ADGRB3: variants seen among roughly 807,000 people sequenced by gnomAD.
The protein encoded by ADGRB3 is adhesion G protein-coupled receptor B3, also known as brain-specific angiogenesis inhibitor 3.
Under a neutral mutation model 193.4 loss-of-function variants are expected in ADGRB3, and 37 were observed. The observed-to-expected ratio is 0.19, with a 90% CI of 0.15 to 0.25. ADGRB3 has a LOEUF of 0.25. Ranked by LOEUF, ADGRB3 falls within the 10% of genes least tolerant of loss-of-function variation. The probability of loss-of-function intolerance (pLI) is 1.00; values close to 1 mark genes in which losing one functional copy is unlikely to be tolerated. For synonymous variants in ADGRB3, 690 were observed against 644.2 expected (o/e 1.07, Z -1.08); for missense variants, 1,637 against 1,852.9 (o/e 0.88, Z 2.14).
chr6:68,869,545 C>T (rs1394475750), intron 3 of ADGRB3, among the ~76,000 whole-genome samples: 3 of 152,064 alleles, frequency 2.0e-5, no homozygotes, highest in Non-Finnish European at 2.9e-5. Flanking sequence ...TTTTAGCAAG[C>T]AACATTTGTA....
intron 3 of ADGRB3, among the ~76,000 whole-genome samples, chr6:68,861,418 C>T (rs576499338): frequency 7.2e-5 from 11 of 152,052 alleles, no homozygotes; most frequent in Admixed American, 1.3e-4. Context: ...AAAAATTAGC[C>T]GGGCGTGGTG....
At chr6:69,151,614 G>A (rs966775234) in intron 17 of ADGRB3, among the ~76,000 whole-genome samples, 3 of 152,104 alleles carry the variant, frequency 2.0e-5, no homozygotes, top group African/African-American at 7.2e-5. Context: ...GTAGATGGCT[G>A]TTAAATTCAG....
rs533406477 is a variant in ADGRB3, at chr6:69,137,347, C to G, written c.2480+61309C>G. ...CAGTTCACAAAATGATAAAGTAAAC[C>G]TATGAACTTAACATTTTCTGTGTTT... On this transcript the variant is annotated intron_variant, in intron 17 of 31. Transcript: ENST00000370598. 5.3e-5 allele frequency among the ~76,000 whole-genome samples: 8 copies of G among 151,940 alleles called. No homozygotes were observed. In the South Asian group the frequency reaches 1.7e-3, roughly 32 times the overall value.
At chr6:68,984,196 G>T (rs1265515917) in intron 10 of ADGRB3, among the ~76,000 whole-genome samples, 1 of 152,162 alleles carries the variant, frequency 6.6e-6, no homozygotes, top group Non-Finnish European at 1.5e-5. Context: ...AGGGTCATAT[G>T]AGGTTTCTAT....
chr6:68,826,666 T>G (rs1330415764), intron 3 of ADGRB3, among the ~76,000 whole-genome samples: 1 of 152,172 alleles, frequency 6.6e-6, no homozygotes, highest in Non-Finnish European at 1.5e-5. Context: ...AGGAGGCTAT[T>G]ATAGCAACCT....
chr6:69,076,190 A>G (rs746948715), intron 17 of ADGRB3, 152 bp downstream of exon 17: 14 of 657,662 alleles, frequency 2.1e-5, no homozygotes, highest in Non-Finnish European at 3.4e-5. Context: ...TCAGGACAGC[A>G]TGATGAATGT....
chr6:68,804,428 G>A (rs74799610), intron 3 of ADGRB3, among the ~76,000 whole-genome samples: 1 of 152,112 alleles, frequency 6.6e-6, no homozygotes, highest in Non-Finnish European at 1.5e-5. Flanking sequence ...TAAGTTTTCA[G>A]TAGTACATGC....
chr6:69,209,392 A>G (rs865928268), intron 17 of ADGRB3, among the ~76,000 whole-genome samples: 1 of 152,198 alleles, frequency 6.6e-6, no homozygotes, highest in Non-Finnish European at 1.5e-5. Flanking sequence ...CCCCACACCA[A>G]TAGGCCCCTA....
At chr6:68,935,332 T>C (rs1439509710) in intron 4 of ADGRB3, among the ~76,000 whole-genome samples, 1 of 152,220 alleles carries the variant, frequency 6.6e-6, no homozygotes, top group Admixed American at 6.5e-5. Flanking sequence ...CACTAGTTTG[T>C]GGACCAGCTG....
chr6:69,022,246 A>G (rs2150289059), intron 13 of ADGRB3, among the ~76,000 whole-genome samples: 1 of 151,944 alleles, frequency 6.6e-6, no homozygotes, highest in African/African-American at 2.4e-5. Context: ...GAAATGTTTT[A>G]ACTATCTGCA....
chr6:68,747,753 T>C (rs141515617), intron 3 of ADGRB3, among the ~76,000 whole-genome samples: 1 of 152,332 alleles, frequency 6.6e-6, no homozygotes, highest in East Asian at 1.9e-4. Context: ...GAGAGTTTTC[T>C]TGGGAACAAA....
chr6:69,275,258 C>T (rs1767277041), intron 20 of ADGRB3, among the ~76,000 whole-genome samples: 1 of 152,034 alleles, frequency 6.6e-6, no homozygotes, highest in Admixed American at 6.6e-5. Context: ...AGGTACTTCA[C>T]AGTTTGAATT....
At chr6:68,831,303 T>TA (rs60991980) in intron 3 of ADGRB3, among the ~76,000 whole-genome samples, 1,733 of 123,656 alleles carry the variant, frequency 0.014, 22 homozygotes, top group African/African-American at 0.035. Flanking sequence ...TGGAGAAGAT[T>TA]AAAAAAAAAA....
intron 6 of ADGRB3, among the ~76,000 whole-genome samples, chr6:68,955,371 A>C (rs1413212825): frequency 6.6e-6 from 1 of 152,232 alleles, no homozygotes; most frequent in East Asian, 1.9e-4. Context: ...TCTCTAAAAT[A>C]TGAGCTCGAT....
intron 29 of ADGRB3, among the ~76,000 whole-genome samples, chr6:69,363,757 G>A (rs1419607311): frequency 1.1e-4 from 16 of 151,956 alleles, no homozygotes; most frequent in Admixed American, 9.2e-4. Context: ...TGGAAATGGG[G>A]CTGTGTTCAT....
chr6:69,225,878 A>C (rs1262944007), intron 17 of ADGRB3, among the ~76,000 whole-genome samples: 1 of 152,206 alleles, frequency 6.6e-6, no homozygotes. Context: ...CACTAGTGTG[A>C]TGATGATTTG....
intron 15 of ADGRB3, among the ~76,000 whole-genome samples, chr6:69,051,750 A>T (rs914424042): frequency 2.0e-5 from 3 of 152,146 alleles, no homozygotes; most frequent in Non-Finnish European, 2.9e-5. Context: ...AACAAGGGTG[A>T]TTCTTTTTTC....
At chr6:68,649,404 T>A (rs1231174573) in intron 3 of ADGRB3, among the ~76,000 whole-genome samples, 1 of 152,150 alleles carries the variant, frequency 6.6e-6, no homozygotes, top group East Asian at 1.9e-4. Context: ...ATAAATCTAA[T>A]CATTAAAATT....
chr6:69,344,984 G>A (rs1362747654), intron 26 of ADGRB3, among the ~76,000 whole-genome samples: 1 of 151,872 alleles, frequency 6.6e-6, no homozygotes, highest in Non-Finnish European at 1.5e-5. Context: ...ATGTGATCCT[G>A]GACCCTAGTG....
Sources: gnomAD v4.1 joint callset for allele counts (sites outside exome capture counted in the v4.1 genomes callset) on GRCh38, gnomAD v4.1.1 for gene constraint, MANE v1.5 for transcripts, NCBI Gene and HGNC (gene_info 2026-07-23, HGNC 2026-07-21) for gene names.